The following IMMP1L variants were observed in gnomAD, a reference collection of about 807,000 sequenced individuals.
IMMP1L encodes the protein inner mitochondrial membrane peptidase subunit 1.
Under a neutral mutation model 21.8 loss-of-function variants are expected in IMMP1L, and 24 were observed. The observed-to-expected ratio is 1.10, with a 90% confidence interval of 0.80 to 1.55. The LOEUF is 1.55. IMMP1L is among the 40% of genes most tolerant of loss of function. The probability of loss-of-function intolerance (pLI) is 0.00; values close to 1 mark genes in which losing one functional copy is unlikely to be tolerated. For missense variants in IMMP1L, 195 were observed against 200.7 expected (o/e 0.97, Z 0.17); for synonymous variants, 46 against 62.8 (o/e 0.73, Z 1.26).
intron 3 of IMMP1L, 83 bp from the exon 4 acceptor site, chr11:31,456,469 G>T: frequency 9.1e-7 from 1 of 1,098,870 alleles, no homozygotes; most frequent in Non-Finnish European, 1.3e-6. Flanking sequence ...ACTTTTATAA[G>T]ACAACTTAAA....
chr11:31,504,678 T>C (rs886471180), intron 1 of IMMP1L, among the ~76,000 whole-genome samples: 20 of 152,132 alleles, frequency 1.3e-4, no homozygotes, highest in African/African-American at 4.6e-4. Flanking sequence ...TAATAAATTA[T>C]AATACATTTA....
chr11:31,505,835 T>C (rs1003690592), intron 1 of IMMP1L, among the ~76,000 whole-genome samples: 3 of 152,194 alleles, frequency 2.0e-5, no homozygotes, highest in Non-Finnish European at 2.9e-5. Context: ...TATATTTTCT[T>C]CCTATGATTT....
intron 1 of IMMP1L, 57 bp from the exon 2 acceptor site, chr11:31,463,362 A>G (rs1225726955): frequency 2.1e-6 from 3 of 1,411,166 alleles, no homozygotes; most frequent in Non-Finnish European, 2.8e-6. Flanking sequence ...CACTTAAGAA[A>G]TAACTATTGT....
chr11:31,478,732 T>C (rs539366241), intron 1 of IMMP1L, among the ~76,000 whole-genome samples: 1 of 152,260 alleles, frequency 6.6e-6, no homozygotes, highest in South Asian at 2.1e-4. Context: ...CTCTAACTCA[T>C]ACTTGTGCAA....
chr11:31,484,501 A>T (rs1032660985), intron 1 of IMMP1L, among the ~76,000 whole-genome samples: 2 of 151,890 alleles, frequency 1.3e-5, no homozygotes, highest in Non-Finnish European at 2.9e-5. Context: ...GTCATAGTTC[A>T]TTTAACGAAC....
chr11:31,459,941 G>A (rs544705497), intron 3 of IMMP1L, among the ~76,000 whole-genome samples: 2 of 151,730 alleles, frequency 1.3e-5, no homozygotes, highest in Non-Finnish European at 2.9e-5. Flanking sequence ...CGGATTGCTT[G>A]AGCTCAGGAG....
intron 4 of IMMP1L, chr11:31,452,289 T>C: frequency 1.0e-6 from 1 of 983,532 alleles, no homozygotes; most frequent in Non-Finnish European, 1.2e-6. Flanking sequence ...AAAAGCATAG[T>C]CCTGGATTAT....
At chr11:31,493,168 G>A (rs183454718) in intron 1 of IMMP1L, among the ~76,000 whole-genome samples, 1 of 152,178 alleles carries the variant, frequency 6.6e-6, no homozygotes, top group Admixed American at 6.5e-5. Context: ...CCATTTTCAT[G>A]CTGCTATAAA....
chr11:31,476,295 T>A (rs1288035793), intron 1 of IMMP1L, among the ~76,000 whole-genome samples: 2 of 152,090 alleles, frequency 1.3e-5, no homozygotes, highest in African/African-American at 4.8e-5. Flanking sequence ...TGGCAAGCTT[T>A]CTCATTTATT....
intron 1 of IMMP1L, among the ~76,000 whole-genome samples, chr11:31,466,355 A>C (rs373344649): frequency 6.6e-6 from 1 of 152,066 alleles, no homozygotes; most frequent in East Asian, 1.9e-4. Flanking sequence ...GGTTTCTTTA[A>C]AAACTCTAGA....
chr11:31,483,252 G>C, intron 1 of IMMP1L, among the ~76,000 whole-genome samples: 1 of 151,754 alleles, frequency 6.6e-6, no homozygotes, highest in Non-Finnish European at 1.5e-5. Context: ...GGTGTATTTG[G>C]TTTGCAAAAA....
chr11:31,483,850 A>G (rs1430420542), intron 1 of IMMP1L, among the ~76,000 whole-genome samples: 1 of 151,946 alleles, frequency 6.6e-6, no homozygotes. Flanking sequence ...CACATTAAAT[A>G]AAGCTTCATG....
chr11:31,492,853 A>G (rs151147652), intron 1 of IMMP1L, among the ~76,000 whole-genome samples: 416 of 152,324 alleles, frequency 2.7e-3, no homozygotes, highest in Middle Eastern at 0.02. Flanking sequence ...GCCTCAAAAC[A>G]ATTACAATAG....
chr11:31,508,485 G>C (rs1955864508), intron 1 of IMMP1L, among the ~76,000 whole-genome samples: 1 of 151,918 alleles, frequency 6.6e-6, no homozygotes, highest in Non-Finnish European at 1.5e-5. Flanking sequence ...TGTGAAACAG[G>C]GTTTTTTCCT....
chr11:31,455,589 C>T (rs530325131), intron 4 of IMMP1L, among the ~76,000 whole-genome samples: 3 of 152,324 alleles, frequency 2.0e-5, no homozygotes, highest in African/African-American at 4.8e-5. Context: ...TTTTGTCAGA[C>T]TTCCCCCTAA....
chr11:31,452,377 A>T (rs573857277), intron 4 of IMMP1L: 1 of 985,352 alleles, frequency 1.0e-6, no homozygotes, highest in African/African-American at 1.7e-5. Flanking sequence ...ATTATAGTGT[A>T]TTTCTGAGCC....
intron 4 of IMMP1L, among the ~76,000 whole-genome samples, chr11:31,437,779 C>T (rs1479034092): frequency 2.0e-5 from 3 of 152,126 alleles, no homozygotes; most frequent in East Asian, 3.9e-4. Flanking sequence ...ACCCAGTCAA[C>T]GAGTGAACTG....
intron 1 of IMMP1L, among the ~76,000 whole-genome samples, chr11:31,480,318 T>G (rs1272721021): frequency 1.3e-5 from 2 of 152,064 alleles, no homozygotes; most frequent in African/African-American, 2.4e-5. Flanking sequence ...AGTAGGCTGC[T>G]TTTCTATTAG....
intron 4 of IMMP1L, among the ~76,000 whole-genome samples, chr11:31,434,241 A>G (rs571577108): frequency 6.6e-6 from 1 of 152,258 alleles, no homozygotes; most frequent in African/African-American, 2.4e-5. Context: ...TGAAAAGACT[A>G]TCTCCTATAA....
Sources: gnomAD v4.1 joint callset for allele counts (sites outside exome capture counted in the v4.1 genomes callset) on GRCh38, gnomAD v4.1.1 for gene constraint, MANE v1.5 for transcripts, NCBI Gene and HGNC (gene_info 2026-07-23, HGNC 2026-07-21) for gene names.